Variants in HGS observed in about 807,000 individuals in gnomAD.
HGS encodes the protein hepatocyte growth factor-regulated tyrosine kinase substrate, also known as human growth factor-regulated tyrosine kinase substrate.
In HGS, 63 loss-of-function variants were observed where a neutral mutation model predicts 109.7. That is an observed-to-expected ratio of 0.57 (90% CI 0.47 to 0.71). The LOEUF (loss-of-function observed/expected upper bound fraction) is 0.71. HGS is among the 30% of genes least tolerant of loss of function. The pLI, the probability that HGS is intolerant of heterozygous loss-of-function variation, is 0.00. For missense variants in HGS, 995 were observed against 1,068.3 expected (o/e 0.93, Z 0.96); for synonymous variants, 546 against 437.3 (o/e 1.25, Z -3.10).
At chr17:81,687,164 G>C in intron 4 of HGS, 69 bp downstream of exon 4, 2 of 1,048,694 alleles carry the variant, frequency 1.9e-6, no homozygotes, top group Non-Finnish European at 2.9e-6. Context: ...TGTTTACTGG[G>C]CACTGATGAC....
intron 1 of HGS, chr17:81,684,871 CTGAG>C (rs992206143): frequency 3.1e-6 from 3 of 982,976 alleles, no homozygotes; most frequent in Admixed American, 1.2e-4. Flanking sequence ...AGCAAGCAGA[CTGAG>C]TATCTCAGCC....
Position 81,691,277 on chromosome 17 carries a change from A to T in HGS, c.538-170A>T. Reference sequence around the variant, plus strand: ...GGCTGGCGTTGAGACTCCCGGGAGCATGTCCAGGTTCCCCGGCCTTAGGGT... The same window carrying T: ...GGCTGGCGTTGAGACTCCCGGGAGCTTGTCCAGGTTCCCCGGCCTTAGGGT... On this transcript the variant is annotated intron_variant, in intron 7 of 21. Transcript: ENST00000329138. This position sits in a 1 kb window ranked among gnomAD's most constrained non-coding sequence, Gnocchi z 5.3. 1 of 743,574 alleles carries T rather than the reference A, an allele frequency of 1.3e-6. No homozygotes were observed. The highest frequency in any genetic ancestry group is 1.7e-5 in the South Asian group (1 of 58,724). 46.1% of individuals were successfully genotyped at this position (743,574 alleles called of 1,614,324 possible).
chr17:81,699,037 A>G (rs1250384438), intron 18 of HGS, among the ~76,000 whole-genome samples: 1 of 151,854 alleles, frequency 6.6e-6, no homozygotes, highest in African/African-American at 2.4e-5. Context: ...ATTGCCCTCC[A>G]GCCTGGGTGA....
At position 81,691,838 on chromosome 17, in the gene HGS, T is replaced by G. The variant is rs1279527125; in HGVS notation, c.662+267T>G. Reference sequence around the variant, plus strand: ...CTGTTGCTTGGGTTTGGGTTTGGGTTTGTTTGCATTTCAACTTTCGGAATA... The same window carrying G: ...CTGTTGCTTGGGTTTGGGTTTGGGTGTGTTTGCATTTCAACTTTCGGAATA... On this transcript the variant is annotated intron_variant, in intron 8 of 21. Transcript: ENST00000329138. The surrounding 1 kb of genome is among the most constrained non-coding windows in gnomAD (Gnocchi z 5.3). The G allele has an allele frequency of 3.7e-5, 14 of 379,620 alleles. No individual in the cohort carries two copies. The Admixed American group carries it at 5.3e-4, about 14-fold the overall frequency. 23.5% of individuals were successfully genotyped at this position (379,620 alleles called of 1,614,324 possible).
chr17:81,695,095 G>T, intron 13 of HGS, 28 bp downstream of exon 13: 2 of 1,612,298 alleles, frequency 1.2e-6, no homozygotes, highest in Non-Finnish European at 1.7e-6. Flanking sequence ...GGCATTCCTA[G>T]TGGCAGGGTC....
At chr17:81,690,855 T>C in intron 7 of HGS, 113 bp downstream of exon 7, 1 of 892,548 alleles carries the variant, frequency 1.1e-6, no homozygotes, top group East Asian at 2.6e-5. Flanking sequence ...GTTCAGGAGG[T>C]GAGTGCAGCT....
chr17:81,691,212 T>C lies in HGS; in HGVS notation c.538-235T>C. On this transcript the variant is annotated intron_variant, in intron 7 of 21. Transcript: ENST00000329138. This position sits in a 1 kb window ranked among gnomAD's most constrained non-coding sequence, Gnocchi z 5.3. ...GCAGAATTGATGTGTATTTTTTCCT[T>C]GCCCTTACTTTTAACTTACCTTATT... 1 of 546,604 alleles carries C rather than the reference T, an allele frequency of 1.8e-6. No individual in the cohort carries two copies. Among genetic ancestry groups the C allele is most frequent in the Middle Eastern group, 5.1e-4 (1 of 1,976 alleles). The allele number at this position is 546,604 out of a possible 1,614,324, so 33.9% of individuals were successfully genotyped here. A position where few individuals can be genotyped will look rare whatever the true frequency, so the allele number is the denominator to read the frequency against.
chr17:81,697,156 C>T (rs1470431103), intron 18 of HGS, 158 bp downstream of exon 18: 11 of 789,302 alleles, frequency 1.4e-5, no homozygotes, highest in South Asian at 2.0e-5. Flanking sequence ...AACGCACTCA[C>T]ACAGGCTTTC....
At chr17:81,698,817 C>T (rs1311111066) in intron 18 of HGS, among the ~76,000 whole-genome samples, 3 of 152,144 alleles carry the variant, frequency 2.0e-5, no homozygotes, top group African/African-American at 7.2e-5. Context: ...GCCTGTAATC[C>T]CAACACTTTG....
At chr17:81,685,540 G>T in intron 1 of HGS, 65 bp from the exon 2 acceptor site, 1 of 1,116,814 alleles carries the variant, frequency 9.0e-7, no homozygotes, top group Non-Finnish European at 1.3e-6. Flanking sequence ...CTGCTGCCAA[G>T]CTGGGGTGCT....
intron 8 of HGS, chr17:81,692,528 G>C (rs113893231): frequency 6.6e-6 from 1 of 152,212 alleles, no homozygotes; most frequent in African/African-American, 2.4e-5. Context: ...GTCAAGTCCC[G>C]TCCGTCGCAG....
chr17:81,696,580 C>A (rs765693001), intron 16 of HGS, 27 bp from the exon 17 acceptor site: 1 of 1,571,926 alleles, frequency 6.4e-7, no homozygotes, highest in Admixed American at 1.8e-5. Context: ...GACCTCGCAG[C>A]ATAACCAGCA....
At chr17:81,693,790 C>A in intron 10 of HGS, 38 bp downstream of exon 10, 1 of 1,544,946 alleles carries the variant, frequency 6.5e-7, no homozygotes, top group East Asian at 2.3e-5. Context: ...AGGAGGGGCC[C>A]AGCTCCCCTG....
rs1489500895 is a variant in HGS, at chr17:81,701,638, C to T, written c.*20C>T. 10 of 1,540,884 alleles carry T rather than the reference C, an allele frequency of 6.5e-6. No homozygotes were observed. The highest frequency in any genetic ancestry group is 1.4e-5 in the African/African-American group (1 of 73,134). ...GACTGACCCAGGCCATGCTCACGTC[C>T]GGAGTAACACTACATACAGTTCACC... On this transcript the variant is annotated 3_prime_UTR_variant, in exon 22 of 22. Coordinates refer to ENST00000329138, the MANE Select transcript of HGS (RefSeq NM_004712.5).
intron 14 of HGS, 44 bp from the exon 15 acceptor site, chr17:81,695,742 C>G (rs1350883604): frequency 6.3e-7 from 1 of 1,580,038 alleles, no homozygotes. Context: ...GGGAGGCTGG[C>G]TGGGGCGTGG....
At chr17:81,688,873 T>C in intron 5 of HGS, 46 bp downstream of exon 5, 2 of 1,612,230 alleles carry the variant, frequency 1.2e-6, no homozygotes, top group Non-Finnish European at 1.7e-6. Context: ...TTGGAACTGC[T>C]GGGCAGTCAG....
At position 81,701,813 on chromosome 17, in the gene HGS, T is replaced by G. The variant is rs1332137477; in HGVS notation, c.*195T>G. ...GCAGTCCCTGAGTTAGTCTCTGCTT[T>G]CTTTCCCCAGGGCTGGGCCATGGGG... On this transcript the variant is annotated 3_prime_UTR_variant, in exon 22 of 22. Coordinates refer to ENST00000329138, the MANE Select transcript of HGS (RefSeq NM_004712.5). The G allele has an allele frequency of 2.9e-5, 23 of 788,530 alleles. No individual in the cohort carries two copies. The highest frequency in any genetic ancestry group is 3.3e-5 in the Non-Finnish European group (18 of 538,540). 48.8% of individuals were successfully genotyped at this position (788,530 alleles called of 1,614,324 possible). A position where few individuals can be genotyped will look rare whatever the true frequency, so the allele number is the denominator to read the frequency against.
At position 81,691,339 on chromosome 17, in the gene HGS, C is replaced by G; in HGVS notation, c.538-108C>G. On this transcript the variant is annotated intron_variant, in intron 7 of 21. Transcript: ENST00000329138. The surrounding 1 kb of genome is among the most constrained non-coding windows in gnomAD (Gnocchi z 5.3). ...CTTGTTCTGCTTGTCCCTTGCCTTC[C>G]CCCACCTGTGAGGCCCAGCTTCGGC... 7.2e-7 allele frequency: 1 copy of G among 1,395,154 alleles called. No individual in the cohort carries two copies. Among genetic ancestry groups the G allele is most frequent in the Admixed American group, 1.7e-5 (1 of 57,776 alleles). 86.4% of individuals were successfully genotyped at this position (1,395,154 alleles called of 1,614,324 possible). A position where few individuals can be genotyped will look rare whatever the true frequency, so the allele number is the denominator to read the frequency against.
At position 81,701,560 on chromosome 17, in the gene HGS, C is replaced by T. The variant is rs549138002; in HGVS notation, c.2276C>T (p.Pro759Leu). ...PQQQPPVAQQ[P>L]QAQGPPAQGS... ...CAGCAGCCCCCCGTGGCCCAGCAACCGCAGGCACAGGGGCCGCCGGCACAG... is the reference window on the plus strand; with the variant it reads ...CAGCAGCCCCCCGTGGCCCAGCAACTGCAGGCACAGGGGCCGCCGGCACAG... The change falls in exon 22 of 22, where the codon CCG becomes CTG. Residue 759 changes from proline (P) to leucine (L), a missense_variant. Physicochemically the swap from Pro to Leu is moderately conservative, Grantham distance 98. Coordinates refer to ENST00000329138, the MANE Select transcript of HGS (RefSeq NM_004712.5). 4.3e-5 allele frequency: 68 copies of T among 1,572,256 alleles called. No individual in the cohort carries two copies. The highest frequency in any genetic ancestry group is 1.9e-4 in the African/African-American group (14 of 74,238).
Sources: gnomAD v4.1 joint callset for allele counts (sites outside exome capture counted in the v4.1 genomes callset) on GRCh38, gnomAD v4.1.1 for gene constraint, Gnocchi (gnomAD v3.1) non-coding constraint, MANE v1.5 for transcripts, NCBI Gene and HGNC (gene_info 2026-07-23, HGNC 2026-07-21) for gene names.